QTMAN: variants seen among roughly 807,000 people sequenced by gnomAD.
QTMAN encodes the protein queuosine-tRNA mannosyltransferase, also known as tRNA-queuosine alpha-mannosyltransferase.
At chr2:144,045,428 A>C in the QTMAN span, among the ~76,000 whole-genome samples, 5 of 152,378 alleles carry the variant, frequency 3.3e-5, no homozygotes, top group African/African-American at 1.2e-4. Context: ...AACGAAGCAG[A>C]AGATGCAAGA....
At chr2:144,303,916 G>A in the QTMAN span, among the ~76,000 whole-genome samples, 8 of 152,182 alleles carry the variant, frequency 5.3e-5, no homozygotes, top group East Asian at 1.9e-4. Flanking sequence ...CAGCTGAATC[G>A]CGGGAACAGA....
chr2:144,046,513 T>C, the QTMAN span, among the ~76,000 whole-genome samples: 1 of 152,240 alleles, frequency 6.6e-6, no homozygotes, highest in Admixed American at 6.5e-5. Context: ...GCTGGAACTA[T>C]GGGCGCATGC....
chr2:144,105,533 G>C, the QTMAN span, among the ~76,000 whole-genome samples: 1 of 152,140 alleles, frequency 6.6e-6, no homozygotes, highest in Non-Finnish European at 1.5e-5. Flanking sequence ...ATGAAATGAA[G>C]AGAGAAGAGA....
At chr2:144,035,876 G>T in the QTMAN span, among the ~76,000 whole-genome samples, 1 of 152,220 alleles carries the variant, frequency 6.6e-6, no homozygotes. Context: ...TTTCAGTGTG[G>T]TGTTGCTAGA....
the QTMAN span, among the ~76,000 whole-genome samples, chr2:144,057,937 A>G: frequency 2.0e-5 from 3 of 152,032 alleles, no homozygotes; most frequent in African/African-American, 7.2e-5. Flanking sequence ...CAGTCTCCCA[A>G]GTAGCTGCTG....
chr2:144,275,957 A>G, the QTMAN span, among the ~76,000 whole-genome samples: 1 of 152,206 alleles, frequency 6.6e-6, no homozygotes, highest in Non-Finnish European at 1.5e-5. Flanking sequence ...AAAAACTTAA[A>G]TACATATTCC....
the QTMAN span, among the ~76,000 whole-genome samples, chr2:144,042,404 C>A: frequency 6.6e-6 from 1 of 151,856 alleles, no homozygotes; most frequent in African/African-American, 2.4e-5. Flanking sequence ...AGAAAACAAA[C>A]ACAAAAATGA....
At chr2:144,323,729 T>C in the QTMAN span, among the ~76,000 whole-genome samples, 1 of 152,168 alleles carries the variant, frequency 6.6e-6, no homozygotes, top group African/African-American at 2.4e-5. Flanking sequence ...ATACTAAATA[T>C]GTGTATGAAT....
At chr2:144,235,153 A>G in the QTMAN span, among the ~76,000 whole-genome samples, 1 of 152,182 alleles carries the variant, frequency 6.6e-6, no homozygotes, top group Non-Finnish European at 1.5e-5. Context: ...AAAGTAGTCC[A>G]GAGAATGATG....
At chr2:144,207,279 C>T in the QTMAN span, among the ~76,000 whole-genome samples, 1 of 152,182 alleles carries the variant, frequency 6.6e-6, no homozygotes, top group Non-Finnish European at 1.5e-5. Context: ...ATGCTCACTG[C>T]TATTCCATCT....
the QTMAN span, chr2:144,006,461 C>G: frequency 2.0e-5 from 3 of 152,076 alleles, no homozygotes; most frequent in Admixed American, 2.0e-4. Flanking sequence ...GTACTCTAAT[C>G]AGGCCACATG....
At chr2:144,019,739 G>A in the QTMAN span, among the ~76,000 whole-genome samples, 1 of 152,130 alleles carries the variant, frequency 6.6e-6, no homozygotes, top group Non-Finnish European at 1.5e-5. Context: ...GGAGGCCAAA[G>A]GCAAGGGTGA....
chr2:144,171,349 T>C, the QTMAN span, among the ~76,000 whole-genome samples: 1,436 of 152,290 alleles, frequency 9.4e-3, 13 homozygotes, highest in Middle Eastern at 0.017. Context: ...CTTTTCATTA[T>C]ATACTGTGTA....
chr2:144,047,395 A>G, the QTMAN span, among the ~76,000 whole-genome samples: 1 of 152,202 alleles, frequency 6.6e-6, no homozygotes, highest in East Asian at 1.9e-4. Context: ...AAAACACAAC[A>G]TGAAAGTAAT....
At chr2:144,330,860 T>C in the QTMAN span, among the ~76,000 whole-genome samples, 2 of 152,220 alleles carry the variant, frequency 1.3e-5, no homozygotes, top group Non-Finnish European at 2.9e-5. Flanking sequence ...CTCTATAAAA[T>C]AATGGGATTG....
chr2:143,963,539 T>C, the QTMAN span, among the ~76,000 whole-genome samples: 1 of 152,014 alleles, frequency 6.6e-6, no homozygotes, highest in Non-Finnish European at 1.5e-5. Context: ...AAGTTCTCAC[T>C]TCATACATGT....
At chr2:144,182,840 T>TTATATATATATTTTATATATAA in the QTMAN span, among the ~76,000 whole-genome samples, 10 of 64,510 alleles carry the variant, frequency 1.6e-4, no homozygotes, top group Non-Finnish European at 2.2e-4. Flanking sequence ...TATATATATA[T>TTATATATATATTTTATATATAA]TATATATATA....
At chr2:144,150,855 A>G in the QTMAN span, among the ~76,000 whole-genome samples, 687 of 152,298 alleles carry the variant, frequency 4.5e-3, 1 homozygote, top group Non-Finnish European at 7.2e-3. Context: ...GATAGCTACT[A>G]TTTGCATTTT....
At chr2:144,230,179 A>G in the QTMAN span, 1 of 152,086 alleles carries the variant, frequency 6.6e-6, no homozygotes, top group East Asian at 1.9e-4. Flanking sequence ...TTTTAGGCGC[A>G]CTAAAGATTG....
Sources: gnomAD v4.1 joint callset for allele counts (sites outside exome capture counted in the v4.1 genomes callset) on GRCh38, gnomAD v4.1.1 for gene constraint, MANE v1.5 for transcripts, NCBI Gene and HGNC (gene_info 2026-07-23, HGNC 2026-07-21) for gene names.